The following PVT1 variants were observed in gnomAD, a reference collection of about 807,000 sequenced individuals.
PVT1 encodes CXCR4/PVT1 fusion.
chr8:127,846,251 C>T (rs764043104), intron 2 of PVT1, among the ~76,000 whole-genome samples: 3 of 152,084 alleles, frequency 2.0e-5, no homozygotes, highest in Non-Finnish European at 4.4e-5. Flanking sequence ...CATTTTTTCA[C>T]GGTAAGACCC....
chr8:127,900,579 T>A (rs1815747171), intron 3 of PVT1, among the ~76,000 whole-genome samples: 1 of 152,236 alleles, frequency 6.6e-6, no homozygotes, highest in South Asian at 2.1e-4. Context: ...TGCACTTTCC[T>A]CTTTTCTCCC....
intron 3 of PVT1, chr8:127,947,272 G>T (rs1816432751): frequency 5.1e-6 from 1 of 194,900 alleles, no homozygotes; most frequent in Admixed American, 5.3e-5. Context: ...TTTAATGTCT[G>T]CACTCTTATT....
chr8:127,884,088 C>T (rs766378452), intron 2 of PVT1, among the ~76,000 whole-genome samples: 4 of 152,206 alleles, frequency 2.6e-5, no homozygotes, highest in Non-Finnish European at 5.9e-5. Context: ...CAAACTGAAC[C>T]TGAGTGTGGA....
At chr8:127,967,285 A>G (rs1204828529) in intron 3 of PVT1, among the ~76,000 whole-genome samples, 1 of 151,098 alleles carries the variant, frequency 6.6e-6, no homozygotes, top group Non-Finnish European at 1.5e-5. Context: ...TGGGCAGTGA[A>G]GTGGGGAGAA....
At chr8:128,053,591 T>C (rs560169509) in intron 4 of PVT1, among the ~76,000 whole-genome samples, 10 of 152,288 alleles carry the variant, frequency 6.6e-5, no homozygotes, top group African/African-American at 2.4e-4. Flanking sequence ...CTAGAGATGT[T>C]ACCCCTAGGA....
intron 4 of PVT1, among the ~76,000 whole-genome samples, chr8:128,019,095 C>T (rs1373386126): frequency 1.3e-5 from 2 of 152,148 alleles, no homozygotes; most frequent in Admixed American, 1.3e-4. Flanking sequence ...CAGCGTTTCC[C>T]ACCTGCCAGA....
At chr8:127,951,077 T>C (rs1816500103) in intron 3 of PVT1, among the ~76,000 whole-genome samples, 1 of 152,068 alleles carries the variant, frequency 6.6e-6, no homozygotes, top group Non-Finnish European at 1.5e-5. Flanking sequence ...TTTGTATTCT[T>C]AGTAGAGATG....
chr8:128,032,763 C>G (rs1813407300), intron 4 of PVT1, among the ~76,000 whole-genome samples: 1 of 152,254 alleles, frequency 6.6e-6, no homozygotes, highest in African/African-American at 2.4e-5. Context: ...TCCACTCTGC[C>G]CTCTGTGTCT....
intron 5 of PVT1, among the ~76,000 whole-genome samples, chr8:128,079,125 A>G (rs1260920543): frequency 1.3e-5 from 2 of 150,940 alleles, no homozygotes; most frequent in Non-Finnish European, 2.9e-5. Context: ...ACCATTTTGA[A>G]ATTTGCTTTT....
intron 3 of PVT1, among the ~76,000 whole-genome samples, chr8:127,924,038 T>C (rs1270368273): frequency 6.6e-6 from 1 of 152,172 alleles, no homozygotes; most frequent in East Asian, 1.9e-4. Context: ...TGGCATGGTG[T>C]TGGAGGCCGG....
At chr8:127,883,334 G>A (rs1233915200) in intron 2 of PVT1, among the ~76,000 whole-genome samples, 1 of 152,162 alleles carries the variant, frequency 6.6e-6, no homozygotes, top group Non-Finnish European at 1.5e-5. Flanking sequence ...CTATATTGAG[G>A]GGGAGTGGAT....
At chr8:127,941,051 T>C (rs1448202189) in intron 3 of PVT1, among the ~76,000 whole-genome samples, 1 of 152,222 alleles carries the variant, frequency 6.6e-6, no homozygotes, top group Admixed American at 6.5e-5. Context: ...TCCTTGAGGT[T>C]GTAGGGCTGA....
chr8:127,982,579 G>A (rs751297695), intron 3 of PVT1, among the ~76,000 whole-genome samples: 1 of 152,046 alleles, frequency 6.6e-6, no homozygotes, highest in East Asian at 1.9e-4. Flanking sequence ...GGAGGCAGGG[G>A]AGGGAGGATG....
intron 2 of PVT1, among the ~76,000 whole-genome samples, chr8:127,800,309 C>T (rs1475698807): frequency 6.6e-6 from 1 of 152,062 alleles, no homozygotes; most frequent in Non-Finnish European, 1.5e-5. Flanking sequence ...TAGCTGCTGG[C>T]GATCCAGCAG....
At chr8:127,874,415 A>G (rs1363995423) in intron 2 of PVT1, among the ~76,000 whole-genome samples, 1 of 152,220 alleles carries the variant, frequency 6.6e-6, no homozygotes, top group Non-Finnish European at 1.5e-5. Context: ...AGTGAATGAC[A>G]CATCCACCAT....
intron 2 of PVT1, among the ~76,000 whole-genome samples, chr8:127,876,844 C>A (rs1815410970): frequency 6.6e-6 from 1 of 152,198 alleles, no homozygotes. Flanking sequence ...TGCCCCATCC[C>A]CCCAATTTGG....
At chr8:127,928,877 G>A (rs1409632440) in intron 3 of PVT1, among the ~76,000 whole-genome samples, 1 of 152,250 alleles carries the variant, frequency 6.6e-6, no homozygotes, top group Admixed American at 6.5e-5. Flanking sequence ...GTTCCTGGAA[G>A]TTTGAAGAAA....
chr8:127,936,591 C>T (rs1309439499), intron 3 of PVT1, among the ~76,000 whole-genome samples: 1 of 152,148 alleles, frequency 6.6e-6, no homozygotes, highest in Non-Finnish European at 1.5e-5. Context: ...CACTCCATGT[C>T]CTGGCCTTGG....
intron 2 of PVT1, among the ~76,000 whole-genome samples, chr8:127,847,934 C>A (rs1815054477): frequency 1.3e-5 from 2 of 151,600 alleles, no homozygotes; most frequent in South Asian, 4.2e-4. Context: ...GATAAGGTTT[C>A]ACTCTGTGGC....
Sources: gnomAD v4.1 joint callset for allele counts (sites outside exome capture counted in the v4.1 genomes callset) on GRCh38, gnomAD v4.1.1 for gene constraint, MANE v1.5 for transcripts, NCBI Gene and HGNC (gene_info 2026-07-23, HGNC 2026-07-21) for gene names.